The following UNC5C variants were observed in gnomAD, a reference collection of about 807,000 sequenced individuals.
The protein encoded by UNC5C is netrin receptor UNC5C.
UNC5C carries 47 observed loss-of-function variants against 99.8 expected under a neutral mutation model. That is an observed-to-expected ratio of 0.47 (90% CI 0.37 to 0.60). UNC5C has a LOEUF of 0.60. Ranked by LOEUF, UNC5C falls within the 20% of genes least tolerant of loss-of-function variation. The probability of loss-of-function intolerance (pLI) is 0.00; values close to 1 mark genes in which losing one functional copy is unlikely to be tolerated. For missense variants in UNC5C, 1,062 were observed against 1,165.9 expected (o/e 0.91, Z 1.30); for synonymous variants, 487 against 452.2 (o/e 1.08, Z -0.98).
intron 4 of UNC5C, among the ~76,000 whole-genome samples, chr4:95,253,187 C>A (rs528733942): frequency 2.6e-5 from 4 of 152,274 alleles, no homozygotes; most frequent in African/African-American, 9.6e-5. Context: ...CACATTCATA[C>A]CTTTGGTTCA....
chr4:95,201,648 G>A (rs1001664793), intron 12 of UNC5C, among the ~76,000 whole-genome samples: 7 of 151,408 alleles, frequency 4.6e-5, no homozygotes, highest in African/African-American at 1.7e-4. Context: ...CTGTCGCCTA[G>A]GCTGGAATGC....
In UNC5C at chr4:95,335,634, G is replaced by A; in HGVS notation, c.125-3C>T. ...GAGTTCATGAAAAAAGTCATCATCT[G>A]AGAAAGAAGAAGAAAGTGGAAGATG... On this transcript the variant is annotated splice_region_variant and splice_polypyrimidine_tract_variant and intron_variant, in intron 1 of 15. Coordinates refer to ENST00000453304, the MANE Select transcript of UNC5C (RefSeq NM_003728.4). The A allele has an allele frequency of 6.2e-7, 1 of 1,602,038 alleles. No individual in the cohort carries two copies. The highest frequency in any genetic ancestry group is 8.5e-7 in the Non-Finnish European group (1 of 1,174,888).
intron 2 of UNC5C, among the ~76,000 whole-genome samples, chr4:95,334,171 C>G (rs1453276659): frequency 6.6e-6 from 1 of 152,020 alleles, no homozygotes; most frequent in Non-Finnish European, 1.5e-5. Flanking sequence ...TCAGTCCTCT[C>G]ATAGTCTGTT....
chr4:95,535,013 T>G (rs186904357), intron 1 of UNC5C, among the ~76,000 whole-genome samples: 1 of 152,288 alleles, frequency 6.6e-6, no homozygotes, highest in East Asian at 1.9e-4. Context: ...GCTTTCTAAT[T>G]ATTTTTGTCT....
intron 1 of UNC5C, among the ~76,000 whole-genome samples, chr4:95,413,680 TAAC>T (rs548817846): frequency 8.3e-4 from 126 of 152,348 alleles, no homozygotes; most frequent in Non-Finnish European, 1.1e-3. Flanking sequence ...TTCCAAATAA[TAAC>T]ACTTGTTCAT....
chr4:95,170,551 A>C (rs1232151647), intron 14 of UNC5C, among the ~76,000 whole-genome samples: 1 of 152,186 alleles, frequency 6.6e-6, no homozygotes, highest in Admixed American at 6.5e-5. Context: ...CTAACTTTGC[A>C]TAGCCTCAGA....
intron 3 of UNC5C, among the ~76,000 whole-genome samples, chr4:95,299,322 C>A (rs1245951848): frequency 6.6e-6 from 1 of 152,094 alleles, no homozygotes. Context: ...TCAGGAGAAA[C>A]CAAACCTGCT....
chr4:95,472,279 T>G (rs536198589), intron 1 of UNC5C, among the ~76,000 whole-genome samples: 5 of 152,280 alleles, frequency 3.3e-5, no homozygotes, highest in African/African-American at 1.2e-4. Context: ...AAGCCTTTCA[T>G]TTCACATTTC....
At chr4:95,207,051 C>T (rs545218431) in intron 10 of UNC5C, among the ~76,000 whole-genome samples, 13 of 152,080 alleles carry the variant, frequency 8.5e-5, no homozygotes, top group East Asian at 5.8e-4. Flanking sequence ...CCCTTCCCTC[C>T]GACACTGGTC....
intron 1 of UNC5C, among the ~76,000 whole-genome samples, chr4:95,339,784 T>C (rs1743491573): frequency 6.6e-6 from 1 of 152,118 alleles, no homozygotes; most frequent in South Asian, 2.1e-4. Context: ...TTAATTAAAT[T>C]GTGAAACACG....
rs116510620 is a variant in UNC5C, at chr4:95,209,884, A to G, written c.1734-3088T>C. Reference sequence around the variant, plus strand: ...TTGCATTTTTCTGAGCAGAACTCTTACCTTCTAGTTACAAGTGTACCTTGA... The same window carrying G: ...TTGCATTTTTCTGAGCAGAACTCTTGCCTTCTAGTTACAAGTGTACCTTGA... On this transcript the variant is annotated intron_variant, in intron 10 of 15. Coordinates refer to ENST00000453304, the MANE Select transcript of UNC5C (RefSeq NM_003728.4). 1.4e-4 allele frequency among the ~76,000 whole-genome samples: 22 copies of G among 152,330 alleles called. 1 individual carries two copies. The highest frequency in any genetic ancestry group is 5.3e-4 in the African/African-American group (22 of 41,590).
intron 1 of UNC5C, among the ~76,000 whole-genome samples, chr4:95,356,905 G>A (rs78949953): frequency 0.041 from 6,211 of 152,178 alleles, 407 homozygotes; most frequent in African/African-American, 0.14. Flanking sequence ...TTTTATATAA[G>A]AGGAAACTGG....
rs1747921049 is a variant in UNC5C, at chr4:95,470,133, A to ATACAC, written c.124+78600_124+78601insGTGTA. On this transcript the variant is annotated intron_variant, in intron 1 of 15. Coordinates refer to ENST00000453304, the MANE Select transcript of UNC5C (RefSeq NM_003728.4). ...AATGGGTTTGTGTATATTTTATGAT[A>ATACAC]GTAAATGATAAAATAGACTAGTATG... 8.5e-5 allele frequency among the ~76,000 whole-genome samples: 13 copies of ATACAC among 152,286 alleles called. No individual in the cohort carries two copies. In the South Asian group the frequency reaches 2.7e-3, roughly 32 times the overall value.
At chr4:95,311,961 T>C (rs1742292298) in intron 2 of UNC5C, among the ~76,000 whole-genome samples, 1 of 152,036 alleles carries the variant, frequency 6.6e-6, no homozygotes, top group Admixed American at 6.6e-5. Context: ...GCAGGAGTAT[T>C]GCTTGAGCCT....
intron 5 of UNC5C, chr4:95,248,306 C>A (rs1373453248): frequency 4.0e-6 from 1 of 252,502 alleles, no homozygotes; most frequent in Non-Finnish European, 7.9e-6. Context: ...TTTTACATGG[C>A]CTAAGAAAAT....
At position 95,398,346 on chromosome 4, in the gene UNC5C, C is replaced by G. The variant is rs184522511; in HGVS notation, c.125-62715G>C. 5.9e-5 allele frequency among the ~76,000 whole-genome samples: 9 copies of G among 152,206 alleles called. No homozygotes were observed. The East Asian group carries it at 1.7e-3, about 29-fold the overall frequency. On this transcript the variant is annotated intron_variant, in intron 1 of 15. Transcript: ENST00000453304. ...TCATCCCTTGATCCTGACCCCAGTGCTCCCCAACTTTGGTGGACAGATTCT... is the reference window on the plus strand; with the variant it reads ...TCATCCCTTGATCCTGACCCCAGTGGTCCCCAACTTTGGTGGACAGATTCT...
intron 7 of UNC5C, among the ~76,000 whole-genome samples, chr4:95,226,151 C>T (rs576414427): frequency 6.6e-6 from 1 of 152,168 alleles, no homozygotes; most frequent in Non-Finnish European, 1.5e-5. Context: ...CAGCCTGGTT[C>T]AAAAGTTAGG....
chr4:95,222,020 A>G (rs1560739708), intron 7 of UNC5C, among the ~76,000 whole-genome samples: 1 of 152,216 alleles, frequency 6.6e-6, no homozygotes, highest in Non-Finnish European at 1.5e-5. Flanking sequence ...TAGATTTTAA[A>G]GTTGGCAGAG....
chr4:95,358,725 C>G (rs977345775), intron 1 of UNC5C, among the ~76,000 whole-genome samples: 6 of 152,104 alleles, frequency 3.9e-5, no homozygotes, highest in African/African-American at 1.2e-4. Flanking sequence ...AAATAGTTTC[C>G]TTTAAAGTTA....
Sources: allele counts gnomAD v4.1 joint callset (sites outside exome capture counted in the v4.1 genomes callset), GRCh38; gene constraint gnomAD v4.1.1; transcripts MANE v1.5; gene names NCBI Gene and HGNC (gene_info 2026-07-23, HGNC 2026-07-21).